The following PTN variants were observed in gnomAD, a reference collection of about 807,000 sequenced individuals.
PTN encodes pleiotrophin.
In PTN, 18 loss-of-function variants were observed where a neutral mutation model predicts 24.1. The observed-to-expected ratio is 0.75, with a 90% CI of 0.52 to 1.11. The LOEUF (loss-of-function observed/expected upper bound fraction) is 1.11, where lower values mean the gene tolerates loss of function less well. PTN is among the 50% of genes least tolerant of loss of function. PTN has a pLI of 0.00. For missense variants in PTN, 163 were observed against 198.8 expected, an observed-to-expected ratio of 0.82 and a Z score of 1.08; for synonymous variants, 78 against 68.6, an observed-to-expected ratio of 1.14 and a Z score of -0.67.
At chr7:137,294,400 GC>G (rs1809687185) in intron 1 of PTN, among the ~76,000 whole-genome samples, 1 of 152,114 alleles carries the variant, frequency 6.6e-6, no homozygotes, top group Non-Finnish European at 1.5e-5. Flanking sequence ...TCTCTCTCTG[GC>G]TTGGGCAGCC....
At position 137,334,969 on chromosome 7, in the gene PTN, C is replaced by T. The variant is rs566560396; in HGVS notation, c.-2+8470G>A. Among the ~76,000 whole-genome samples the T allele has an allele frequency of 1.3e-4, 19 of 144,522 alleles. No homozygotes were observed. The South Asian group carries it at 2.8e-3, about 22-fold the overall frequency. 94.8% of individuals were successfully genotyped at this position (144,522 alleles called of 152,430 possible). On this transcript the variant is annotated intron_variant, in intron 1 of 4. Transcript: ENST00000348225. ...CAAAAAACCAAACACTACATGTTCT[C>T]ACTCATAGGTGAGAATTGAACAATG...
rs543009663 is a variant in PTN at position 137,263,925 on chromosome 7, T to C, written c.-1-8951A>G. On this transcript the variant is annotated intron_variant, in intron 1 of 4. Transcript: ENST00000348225. ...TGGAAATCTACTGAATGGATTTTTA[T>C]CTGTGTGTTTTGAACTCCACCACGT... 2.7e-4 allele frequency among the ~76,000 whole-genome samples: 41 copies of C among 152,324 alleles called. No homozygotes were observed. In the South Asian group the frequency reaches 8.5e-3, roughly 32 times the overall value.
intron 1 of PTN, among the ~76,000 whole-genome samples, chr7:137,268,189 C>T (rs754548354): frequency 1.1e-4 from 17 of 152,164 alleles, no homozygotes; most frequent in Non-Finnish European, 2.1e-4. Flanking sequence ...GGCGAGGCAT[C>T]CCACCGGGGC....
chr7:137,312,518 G>A (rs965797529), intron 1 of PTN, among the ~76,000 whole-genome samples: 4 of 152,180 alleles, frequency 2.6e-5, no homozygotes, highest in Admixed American at 1.3e-4. Flanking sequence ...TCTAAGCTAC[G>A]CTTTCTCAGC....
At chr7:137,315,970 A>T (rs1810064876) in intron 1 of PTN, among the ~76,000 whole-genome samples, 1 of 152,128 alleles carries the variant, frequency 6.6e-6, no homozygotes, top group African/African-American at 2.4e-5. Flanking sequence ...CTCCTGTCAA[A>T]TAAAACCATG....
chr7:137,331,989 A>G (rs1810366530), intron 1 of PTN, among the ~76,000 whole-genome samples: 4 of 152,194 alleles, frequency 2.6e-5, no homozygotes, highest in African/African-American at 9.7e-5. Flanking sequence ...CTCTTTTATG[A>G]GCATTCATAA....
At chr7:137,259,447 T>C (rs1190784042) in intron 1 of PTN, among the ~76,000 whole-genome samples, 1 of 151,994 alleles carries the variant, frequency 6.6e-6, no homozygotes, top group Non-Finnish European at 1.5e-5. Context: ...GATTGAACTG[T>C]TTTGACATCT....
intron 1 of PTN, among the ~76,000 whole-genome samples, chr7:137,335,790 G>T (rs577841595): frequency 1.3e-5 from 2 of 152,216 alleles, no homozygotes; most frequent in South Asian, 2.1e-4. Flanking sequence ...CAATTACTAA[G>T]GCTTATATTT....
chr7:137,284,020 G>T (rs1809515586), intron 1 of PTN, among the ~76,000 whole-genome samples: 1 of 129,328 alleles, frequency 7.7e-6, no homozygotes, highest in Non-Finnish European at 1.6e-5. Context: ...AGGCTGGAGT[G>T]CAGTGGCGAG....
At chr7:137,250,608 T>A (rs1234802867) in intron 4 of PTN, among the ~76,000 whole-genome samples, 1 of 152,218 alleles carries the variant, frequency 6.6e-6, no homozygotes, top group East Asian at 1.9e-4. Flanking sequence ...CTTGTATGTA[T>A]GAATTCATGG....
At chr7:137,317,596 T>A (rs1810093596) in intron 1 of PTN, among the ~76,000 whole-genome samples, 1 of 152,224 alleles carries the variant, frequency 6.6e-6, no homozygotes, top group African/African-American at 2.4e-5. Context: ...AATGTTCTCA[T>A]CCTACAGCAT....
intron 1 of PTN, among the ~76,000 whole-genome samples, chr7:137,271,874 T>C (rs1809281194): frequency 6.6e-6 from 1 of 152,240 alleles, no homozygotes; most frequent in Non-Finnish European, 1.5e-5. Context: ...GTGGGTATAA[T>C]ATCTTCCCCA....
intron 1 of PTN, among the ~76,000 whole-genome samples, chr7:137,340,283 A>G (rs2128884177): frequency 6.6e-6 from 1 of 152,318 alleles, no homozygotes; most frequent in African/African-American, 2.4e-5. Context: ...ATAGTGTTCC[A>G]TCATAGCTAC....
intron 1 of PTN, among the ~76,000 whole-genome samples, chr7:137,312,031 C>A (rs1187167575): frequency 6.6e-6 from 1 of 152,102 alleles, no homozygotes; most frequent in East Asian, 1.9e-4. Flanking sequence ...CATCAATGGA[C>A]CATGTCATAC....
intron 1 of PTN, among the ~76,000 whole-genome samples, chr7:137,303,996 A>C (rs1809847134): frequency 1.3e-5 from 2 of 151,988 alleles, no homozygotes; most frequent in African/African-American, 4.8e-5. Context: ...GTTGTGTATA[A>C]GGTGGGAAAG....
intron 1 of PTN, among the ~76,000 whole-genome samples, chr7:137,322,944 T>A (rs531506481): frequency 6.6e-6 from 1 of 152,358 alleles, no homozygotes; most frequent in South Asian, 2.1e-4. Context: ...AATTTGCCTT[T>A]ACTAAGTGCC....
chr7:137,247,791 T>G lies in PTN; in HGVS notation c.451+3439A>C, dbSNP rs569841118. ...CATAAATATATACACCTACCACATA[T>G]CCACAAAAATTAAAAAGAAAAAAGA... On this transcript the variant is annotated intron_variant, in intron 4 of 4. Transcript: ENST00000348225. 1.1e-4 allele frequency among the ~76,000 whole-genome samples: 17 copies of G among 151,984 alleles called. No individual in the cohort carries two copies. In the South Asian group the frequency reaches 3.5e-3, roughly 32 times the overall value.
At chr7:137,280,889 G>C (rs56986485) in intron 1 of PTN, among the ~76,000 whole-genome samples, 1,530 of 143,276 alleles carry the variant, frequency 0.011, 30 homozygotes, top group African/African-American at 0.038. Flanking sequence ...AAAAAAAAAA[G>C]GAAATTTTCA....
chr7:137,253,186 T>C (rs1027855376), intron 3 of PTN, among the ~76,000 whole-genome samples: 8 of 152,084 alleles, frequency 5.3e-5, no homozygotes, highest in African/African-American at 1.9e-4. Flanking sequence ...GCCATAGATA[T>C]TTGGAGACAT....
Sources: allele counts gnomAD v4.1 joint callset (sites outside exome capture counted in the v4.1 genomes callset), GRCh38; gene constraint gnomAD v4.1.1; transcripts MANE v1.5; gene names NCBI Gene and HGNC (gene_info 2026-07-23, HGNC 2026-07-21).